The following INF2 variants were observed in gnomAD, a reference collection of about 807,000 sequenced individuals.
INF2 encodes inverted formin-2.
In INF2, 43 loss-of-function variants were observed where a neutral mutation model predicts 123.5. That is an observed-to-expected ratio of 0.35 (90% CI 0.27 to 0.45). INF2 has a LOEUF of 0.45. Among genes scored for constraint, INF2 ranks in the 20% least tolerant of loss-of-function variants. The pLI, the probability that INF2 is intolerant of heterozygous loss-of-function variation, is 1.00. For missense variants in INF2, 1,453 were observed against 1,682.7 expected, an observed-to-expected ratio of 0.86 and a Z score of 2.39; for synonymous variants, 851 against 745.0, an observed-to-expected ratio of 1.14 and a Z score of -2.32.
At chr14:104,706,389 G>A (rs949412227) in intron 6 of INF2, among the ~76,000 whole-genome samples, 14 of 152,170 alleles carry the variant, frequency 9.2e-5, no homozygotes, top group Non-Finnish European at 1.3e-4. Context: ...CCTGGGGGCC[G>A]GGCTGGGCCC....
rs1566783386 is a variant in INF2 at position 104,710,143 on chromosome 14, G to C, written c.2194G>C (p.Asp732His). ...LLCEGAAAVL[D>H]MVRPKAQLVL... Reference sequence around the variant, plus strand: ...GTGTGAGGGCGCGGCCGCCGTGCTGGACATGGTGCGGCCCAAGGCCCAGCT... The same window carrying C: ...GTGTGAGGGCGCGGCCGCCGTGCTGCACATGGTGCGGCCCAAGGCCCAGCT... The change falls in exon 13 of 23, where the codon GAC becomes CAC. Residue 732 changes from aspartate to histidine, a missense_variant. Coordinates refer to ENST00000392634, the MANE Select transcript of INF2 (RefSeq NM_022489.4). 1 of 1,553,166 alleles carries C rather than the reference G, an allele frequency of 6.4e-7. No individual in the cohort carries two copies. The highest frequency in any genetic ancestry group is 8.7e-7 in the Non-Finnish European group (1 of 1,149,160).
intron 21 of INF2, 83 bp from the exon 22 acceptor site, chr14:104,715,201 G>T (rs764501502): frequency 1.4e-5 from 20 of 1,382,342 alleles, no homozygotes; most frequent in Admixed American, 1.3e-4. Flanking sequence ...TGGCTGTCCC[G>T]GGCCCCCCAG....
chr14:104,713,525 CG>C lies in INF2; in HGVS notation c.2961del (p.Lys988ArgfsTer63). The C allele has an allele frequency of 1.2e-6, 2 of 1,611,516 alleles. No homozygotes were observed. The highest frequency in any genetic ancestry group is 3.3e-4 in the Middle Eastern group (2 of 6,046). ...TGACATCAGGAAGGGCTTCCAGCTG[CG>C]GAAGACAGCCCGGGGCCGCGGGGAC... is the stretch of plus-strand genomic sequence containing the variant. ...LADIRKGFQL[R>X]KTARGRGDTD... is the part of the protein sequence containing the mutation. On this transcript the variant is annotated frameshift_variant, in exon 20 of 23. Coordinates refer to ENST00000392634, the MANE Select transcript of INF2 (RefSeq NM_022489.4). LOFTEE classifies it high-confidence loss of function.
chr14:104,703,009 G>A (rs946967966), intron 2 of INF2, 96 bp from the exon 3 acceptor site: 40 of 1,016,738 alleles, frequency 3.9e-5, no homozygotes, highest in Non-Finnish European at 3.2e-5. Context: ...CCTGGCGTCT[G>A]CCTGCCAGGC....
At position 104,703,473 on chromosome 14, in the gene INF2, C is replaced by T. The variant is rs1247092049; in HGVS notation, c.667+19C>T. On this transcript the variant is annotated intron_variant, in intron 4 of 22. Coordinates refer to ENST00000392634, the MANE Select transcript of INF2 (RefSeq NM_022489.4). ...TTTATCGGTAAGCACCTGCCCTGGG[C>T]CGCATGCCCGCTCCTGCCCGCCTCT... 6.2e-7 allele frequency: 1 copy of T among 1,609,262 alleles called. No homozygotes were observed. Among genetic ancestry groups the T allele is most frequent in the Non-Finnish European group, 8.5e-7 (1 of 1,179,828 alleles).
chr14:104,697,583 C>T (rs376517780), intron 1 of INF2, among the ~76,000 whole-genome samples: 10 of 152,248 alleles, frequency 6.6e-5, no homozygotes, highest in East Asian at 5.8e-4. Flanking sequence ...GGCGGTGGCC[C>T]GGTGGCTTCC....
At position 104,721,466 on chromosome 14, in the gene INF2, T is replaced by TG. The variant is rs1166852031; in HGVS notation, c.*2674dup. The TG allele has an allele frequency of 6.5e-6, 1 of 154,782 alleles. No homozygotes were observed. Among genetic ancestry groups the TG allele is most frequent in the Non-Finnish European group, 1.4e-5 (1 of 69,640 alleles). The allele number at this position is 154,782 out of a possible 1,614,324, so 9.6% of individuals were successfully genotyped here. A position where few individuals can be genotyped will look rare whatever the true frequency, so the allele number is the denominator to read the frequency against. On this transcript the variant is annotated 3_prime_UTR_variant, in exon 23 of 23. Coordinates refer to ENST00000392634, the MANE Select transcript of INF2 (RefSeq NM_022489.4). ...TCATGTGGATGCTGCGAGTTTTCGTTGCTCTGGGGTAGATTCGTAGCGGAG... is the reference window on the plus strand; with the variant it reads ...TCATGTGGATGCTGCGAGTTTTCGTTGGCTCTGGGGTAGATTCGTAGCGGAG...
At chr14:104,705,074 C>T (rs1434075342) in intron 5 of INF2, among the ~76,000 whole-genome samples, 2 of 152,190 alleles carry the variant, frequency 1.3e-5, no homozygotes, top group Non-Finnish European at 2.9e-5. Context: ...GTCCTTACAC[C>T]CAGGGAAATC....
At chr14:104,715,153 T>G in intron 21 of INF2, 131 bp from the exon 22 acceptor site, 1 of 901,306 alleles carries the variant, frequency 1.1e-6, no homozygotes, top group Non-Finnish European at 1.8e-6. Context: ...TGTGGCTTAG[T>G]GGCCAGAGAA....
Position 104,709,380 on chromosome 14 carries a change from C to T in INF2, c.2049C>T (p.His683=), listed in dbSNP as rs760045317. 20 of 1,611,648 alleles carry T rather than the reference C, an allele frequency of 1.2e-5. No homozygotes were observed. Among genetic ancestry groups the T allele is most frequent in the Admixed American group, 3.3e-5 (2 of 60,008 alleles). Residue 683 remains histidine, a synonymous_variant, in exon 11 of 23, where the codon CAC becomes CAT. Coordinates refer to ENST00000392634, the MANE Select transcript of INF2 (RefSeq NM_022489.4). Reference sequence around the variant, plus strand: ...TCCTTAAGCTCCTTCCCGAGAAGCACGAGGTAAGAGGACCACCCCCACACC... The same window carrying T: ...TCCTTAAGCTCCTTCCCGAGAAGCATGAGGTAAGAGGACCACCCCCACACC... ...KQLLKLLPEK[H]EIENLRAFTE...
At chr14:104,681,714 T>C (rs1888527196) in intron 1 of INF2, 2 of 699,374 alleles carry the variant, frequency 2.9e-6, no homozygotes, top group South Asian at 1.7e-5. Context: ...GGCAGCACGC[T>C]GGTGCAGAGC....
Position 104,714,011 on chromosome 14 carries a change from T to C in INF2, c.3041-192T>C, listed in dbSNP as rs1057436926. Reference sequence around the variant, plus strand: ...GGGTGCTGGGAATGGCATGGCCCAGTGTCCCCCACCCTGCCACAGTGTAGA... The same window carrying C: ...GGGTGCTGGGAATGGCATGGCCCAGCGTCCCCCACCCTGCCACAGTGTAGA... On this transcript the variant is annotated intron_variant, in intron 20 of 22. Coordinates refer to ENST00000392634, the MANE Select transcript of INF2 (RefSeq NM_022489.4). Among the ~76,000 whole-genome samples the C allele has an allele frequency of 4.6e-5, 7 of 152,308 alleles. No homozygotes were observed. The South Asian group carries it at 1.2e-3, about 27-fold the overall frequency.
intron 1 of INF2, among the ~76,000 whole-genome samples, chr14:104,700,052 ACT>A: frequency 6.6e-6 from 1 of 151,622 alleles, no homozygotes; most frequent in Admixed American, 6.6e-5. Context: ...GCTCCAGGAC[ACT>A]CTCCCAAGGC....
At chr14:104,682,221 C>G (rs1374727733) in intron 1 of INF2, among the ~76,000 whole-genome samples, 2 of 152,118 alleles carry the variant, frequency 1.3e-5, no homozygotes, top group Middle Eastern at 3.2e-3. Flanking sequence ...AAGATGCAGG[C>G]AGGAGGCAGC....
chr14:104,690,734 T>G (rs1222831324), intron 1 of INF2: 2 of 152,364 alleles, frequency 1.3e-5, no homozygotes, highest in East Asian at 3.8e-4. Context: ...TTTCCACATC[T>G]GCACTCTGAA....
At position 104,718,746 on chromosome 14, in the gene INF2, TAC is replaced by T. The variant is rs138798126; in HGVS notation, c.*2-48_*2-47del. 0.2 allele frequency: 318,465 copies of T among 1,606,650 alleles called. 32,976 individuals carry two copies. The highest frequency in any genetic ancestry group is 0.22 in the Non-Finnish European group (254,319 of 1,176,638). ...ACCCAGAAGCGGGCACCTGATATTG[TAC>T]CCAGCAAAACTGCTCCTAATAATGT... On this transcript the variant is annotated intron_variant, in intron 22 of 22. Transcript: ENST00000392634.
At chr14:104,697,595 G>A (rs1188044880) in intron 1 of INF2, among the ~76,000 whole-genome samples, 3 of 152,252 alleles carry the variant, frequency 2.0e-5, no homozygotes, top group South Asian at 2.1e-4. Context: ...GTGGCTTCCC[G>A]AGAGTCAGTG....
chr14:104,704,906 T>G (rs1207410368), intron 5 of INF2: 1 of 152,276 alleles, frequency 6.6e-6, no homozygotes, highest in East Asian at 1.9e-4. Context: ...AGATGTTGCA[T>G]GGGATATACT....
At chr14:104,681,626 A>C in intron 1 of INF2, 1 of 1,284,810 alleles carries the variant, frequency 7.8e-7, no homozygotes, top group Non-Finnish European at 1.0e-6. Flanking sequence ...GTAGCCGAGA[A>C]AGCAGAGCAG....
Sources: gnomAD v4.1 joint callset for allele counts (sites outside exome capture counted in the v4.1 genomes callset) on GRCh38, gnomAD v4.1.1 for gene constraint, MANE v1.5 for transcripts, NCBI Gene and HGNC (gene_info 2026-07-23, HGNC 2026-07-21) for gene names.